KIF17: variants seen among roughly 807,000 people sequenced by gnomAD.
KIF17 encodes kinesin family member 17.
KIF17 carries 80 observed loss-of-function variants against 96.8 expected under a neutral mutation model. That is an observed-to-expected ratio of 0.83 (90% CI 0.69 to 1.00). KIF17 has a LOEUF of 1.00. KIF17 is among the 50% of genes least tolerant of loss of function. KIF17 has a pLI of 0.00. For missense variants in KIF17, 1,280 were observed against 1,372.9 expected (o/e 0.93, Z 1.07); for synonymous variants, 567 against 587.5 (o/e 0.97, Z 0.51).
intron 1 of KIF17, among the ~76,000 whole-genome samples, 162 bp from the exon 2 acceptor site, chr1:20,715,801 T>C (rs2054567891): frequency 6.6e-6 from 1 of 152,030 alleles, no homozygotes; most frequent in South Asian, 2.1e-4. Flanking sequence ...CCTCAAGGAG[T>C]TGACTCTCTG....
intron 6 of KIF17, among the ~76,000 whole-genome samples, chr1:20,691,352 G>T (rs1460445575): frequency 6.6e-6 from 1 of 151,952 alleles, no homozygotes; most frequent in Non-Finnish European, 1.5e-5. Flanking sequence ...TCACTGTGTT[G>T]CCCAGCTTGG....
At position 20,670,459 on chromosome 1, in the gene KIF17, G is replaced by C. The variant is rs376988005; in HGVS notation, c.2752C>G (p.Arg918Gly). The C allele has an allele frequency of 7.4e-6, 12 of 1,614,062 alleles. No individual in the cohort carries two copies. Among genetic ancestry groups the C allele is most frequent in the Non-Finnish European group, 9.3e-6 (11 of 1,180,024 alleles). The change falls in exon 13 of 15, where the codon CGC becomes GGC. Residue 918 changes from arginine to glycine, a missense_variant. By Grantham distance (125) the Arg-to-Gly change is moderately radical (BLOSUM62 -2). Coordinates refer to ENST00000400463, the MANE Select transcript of KIF17 (RefSeq NM_001122819.3). ...VSTGPQNKPA[R>G]KTSAADNGEP... ...CCATTGTCTGCTGCAGAGGTTTTGC[G>C]GGCTGGTTTGTTCTGTGGCCCAGTT...
chr1:20,695,280 T>C (rs679851), intron 6 of KIF17, among the ~76,000 whole-genome samples: 84,483 of 151,948 alleles, frequency 0.56, 24,819 homozygotes, highest in East Asian at 0.79. Flanking sequence ...CTCCACCTCC[T>C]GGGTTCAACC....
intron 7 of KIF17, among the ~76,000 whole-genome samples, chr1:20,689,480 G>A (rs1384108259): frequency 1.3e-5 from 2 of 152,052 alleles, no homozygotes; most frequent in African/African-American, 2.4e-5. Context: ...ACGAAATCCC[G>A]TCTCTACTGA....
intron 1 of KIF17, among the ~76,000 whole-genome samples, chr1:20,716,236 C>A (rs989671052): frequency 8.5e-6 from 1 of 117,032 alleles, no homozygotes; most frequent in Non-Finnish European, 1.8e-5. Flanking sequence ...CGCGAGACTC[C>A]GTCTCAAAAA....
Position 20,717,591 on chromosome 1 carries a change from A to G in KIF17, c.116T>C (p.Ile39Thr). Residue 39 changes from isoleucine to threonine, a missense_variant, in exon 1 of 15, where the codon ATC (isoleucine) becomes ACC (threonine). By Grantham distance (89) the Ile-to-Thr change is moderately conservative (BLOSUM62 -1). Coordinates refer to ENST00000400463, the MANE Select transcript of KIF17 (RefSeq NM_001122819.3). ...TVDCARAQCC[I>T]QNPGAADEPP... ...CTCGTCGGCGGCGCCCGGGTTCTGG[A>G]TGCAGCACTGGGCGCGCGCGCAGTC... The G allele has an allele frequency of 6.2e-7, 1 of 1,611,154 alleles. No individual in the cohort carries two copies. The highest frequency in any genetic ancestry group is 8.5e-7 in the Non-Finnish European group (1 of 1,179,502).
At chr1:20,677,662 T>G (rs1405041019) in intron 11 of KIF17, among the ~76,000 whole-genome samples, 1 of 152,130 alleles carries the variant, frequency 6.6e-6, no homozygotes, top group African/African-American at 2.4e-5. Flanking sequence ...AAGACCAGCC[T>G]GGCCACCACA....
At chr1:20,707,926 T>C (rs964343498) in intron 4 of KIF17, among the ~76,000 whole-genome samples, 30 of 149,848 alleles carry the variant, frequency 2.0e-4, no homozygotes, top group African/African-American at 7.3e-4. Context: ...TATTAGATAT[T>C]AATATAATGC....
chr1:20,666,420 G>A, intron 13 of KIF17, 89 bp from the exon 14 acceptor site: 1 of 1,071,906 alleles, frequency 9.3e-7, no homozygotes, highest in East Asian at 2.4e-5. Context: ...GGGGCAGTGG[G>A]GGCCGCCCCG....
intron 3 of KIF17, among the ~76,000 whole-genome samples, chr1:20,710,543 G>T (rs1290809971): frequency 6.6e-6 from 1 of 151,484 alleles, no homozygotes; most frequent in Admixed American, 6.6e-5. Flanking sequence ...GTGAAACACG[G>T]TATTTTTCAA....
intron 13 of KIF17, 60 bp from the exon 14 acceptor site, chr1:20,666,391 C>T: frequency 7.3e-7 from 1 of 1,362,838 alleles, no homozygotes; most frequent in Non-Finnish European, 1.1e-6. Context: ...GCACAGGGCT[C>T]CACAGCCTCT....
Position 20,712,599 on chromosome 1 carries a change from TA to T in KIF17, c.480+854del, listed in dbSNP as rs1421950918. On this transcript the variant is annotated intron_variant, in intron 3 of 14. Transcript: ENST00000400463. ...AATATTATCTATATATATATCTATA[TA>T]TATCTATATATATATAATATAGATA... 8.1e-4 allele frequency among the ~76,000 whole-genome samples: 12 copies of T among 14,862 alleles called. 1 individual carries two copies. Among genetic ancestry groups the T allele is most frequent in the African/African-American group, 2.0e-3 (12 of 6,054 alleles). The allele number at this position is 14,862 out of a possible 152,430, so 9.8% of individuals were successfully genotyped here.
chr1:20,674,555 G>A (rs2053703624), intron 11 of KIF17, among the ~76,000 whole-genome samples: 1 of 149,332 alleles, frequency 6.7e-6, no homozygotes, highest in East Asian at 2.0e-4. Flanking sequence ...ATGAGCCACT[G>A]CACCATCCAA....
chr1:20,676,054 A>G (rs557927463), intron 11 of KIF17, among the ~76,000 whole-genome samples: 22 of 152,318 alleles, frequency 1.4e-4, no homozygotes, highest in African/African-American at 5.1e-4. Context: ...AAAAAAGAAA[A>G]GACAATATCG....
chr1:20,713,420 C>T, intron 3 of KIF17, 34 bp downstream of exon 3: 1 of 1,529,072 alleles, frequency 6.5e-7, no homozygotes, highest in Non-Finnish European at 9.1e-7. Flanking sequence ...TCCCCCCTAC[C>T]AGCCCCACCT....
At chr1:20,713,609 T>G in intron 2 of KIF17, 54 bp from the exon 3 acceptor site, 2 of 1,351,080 alleles carry the variant, frequency 1.5e-6, no homozygotes, top group Non-Finnish European at 2.1e-6. Context: ...GTCCACCTGC[T>G]GCCAGGTCTG....
At chr1:20,707,821 G>A (rs897258341) in intron 4 of KIF17, among the ~76,000 whole-genome samples, 3 of 145,802 alleles carry the variant, frequency 2.1e-5, no homozygotes, top group African/African-American at 7.6e-5. Flanking sequence ...GTGTGTGTGT[G>A]TGTGTGTGTG....
At chr1:20,713,625 G>T in intron 2 of KIF17, 70 bp from the exon 3 acceptor site, 1 of 1,183,642 alleles carries the variant, frequency 8.4e-7, no homozygotes, top group East Asian at 2.5e-5. Flanking sequence ...GTCTGACCCT[G>T]GGGCCTGGGC....
chr1:20,712,764 CTA>C (rs1254358423), intron 3 of KIF17, among the ~76,000 whole-genome samples: 1 of 59,162 alleles, frequency 1.7e-5, no homozygotes, highest in South Asian at 4.3e-4. Flanking sequence ...TATATTATAT[CTA>C]TATATAATAT....
Sources: gnomAD v4.1 joint callset for allele counts (sites outside exome capture counted in the v4.1 genomes callset) on GRCh38, gnomAD v4.1.1 for gene constraint, MANE v1.5 for transcripts, NCBI Gene and HGNC (gene_info 2026-07-23, HGNC 2026-07-21) for gene names.